Variants in WDR41 observed in about 807,000 individuals in gnomAD.
The protein encoded by WDR41 is WD repeat-containing protein 41.
A neutral mutation model predicts 69.3 loss-of-function variants in WDR41; 63 were observed. The ratio of observed to expected loss-of-function variants is 0.91; its 90% CI spans 0.74 to 1.12. The LOEUF is 1.12. Ranked by LOEUF, WDR41 falls within the 50% of genes most tolerant of loss-of-function variation. WDR41 has a pLI of 0.00. For missense variants in WDR41, 543 were observed against 534.5 expected (o/e 1.02, Z -0.16); for synonymous variants, 185 against 192.1 (o/e 0.96, Z 0.31).
chr5:77,587,155 T>A (rs1744056966), intron 1 of WDR41, among the ~76,000 whole-genome samples: 1 of 151,360 alleles, frequency 6.6e-6, no homozygotes, highest in South Asian at 2.1e-4. Flanking sequence ...TATTCTAAAT[T>A]TTGTTACCTT....
intron 1 of WDR41, among the ~76,000 whole-genome samples, chr5:77,525,752 T>A (rs1802436412): frequency 6.6e-6 from 1 of 152,150 alleles, no homozygotes. Context: ...TTCAGACCTA[T>A]AGGTAATAAG....
At chr5:77,607,317 CTTAAG>C (rs1744442746) in intron 1 of WDR41, among the ~76,000 whole-genome samples, 1 of 152,084 alleles carries the variant, frequency 6.6e-6, no homozygotes, top group Non-Finnish European at 1.5e-5. Context: ...TTCCACAGGA[CTTAAG>C]TTATTAGATG....
intron 1 of WDR41, among the ~76,000 whole-genome samples, chr5:77,509,713 G>C (rs1428649085): frequency 2.0e-5 from 3 of 152,156 alleles, no homozygotes; most frequent in Admixed American, 6.5e-5. Flanking sequence ...GGCAATGGTA[G>C]CAAAAGATAT....
Position 77,440,976 on chromosome 5 carries a change from G to C in WDR41, c.719C>G (p.Ser240Cys). 2 of 1,613,406 alleles carry C rather than the reference G, an allele frequency of 1.2e-6. No individual in the cohort carries two copies. The highest frequency in any genetic ancestry group is 3.3e-4 in the Middle Eastern group (2 of 6,058). Residue 240 changes from serine to cysteine, a missense_variant, in exon 9 of 13, where the codon TCC (serine) becomes TGC (cysteine). Coordinates refer to ENST00000296679, the MANE Select transcript of WDR41 (RefSeq NM_018268.4). Reference protein sequence around the residue: ...NVNDLSFVTGSHVGELIIWDA... With the variant: ...NVNDLSFVTGCHVGELIIWDA... ...CCAGATGATCAGCTCTCCGACGTGG[G>C]AGCCGGTGACAAAACTCAAATCTAG...
intron 5 of WDR41, among the ~76,000 whole-genome samples, chr5:77,454,693 G>C (rs1299116466): frequency 6.6e-6 from 1 of 152,200 alleles, no homozygotes; most frequent in Non-Finnish European, 1.5e-5. Context: ...AAGAGCGAGA[G>C]AGAAGAACAG....
Position 77,478,242 on chromosome 5 carries a change from T to A in WDR41, c.167+11215A>T, listed in dbSNP as rs186836441. On this transcript the variant is annotated intron_variant, in intron 2 of 12. Coordinates refer to ENST00000296679, the MANE Select transcript of WDR41 (RefSeq NM_018268.4). The stretch of plus-strand genomic sequence containing the variant: ...TGGATTCACAGCCGAATTCTACCAG[T>A]GGTACAAGGAGGAACTGGTACAATT... 4.3e-3 allele frequency among the ~76,000 whole-genome samples: 653 copies of A among 152,236 alleles called. 12 individuals carry two copies. Among genetic ancestry groups the A allele is most frequent in the African/African-American group, 0.013 (543 of 41,546 alleles).
At chr5:77,499,510 T>G (rs1801986009) in intron 1 of WDR41, 1 of 152,084 alleles carries the variant, frequency 6.6e-6, no homozygotes, top group South Asian at 2.1e-4. Context: ...GAGCCAAAAC[T>G]CTAAGGGAAG....
At chr5:77,539,758 A>G (rs1178437693) in intron 1 of WDR41, among the ~76,000 whole-genome samples, 2 of 152,224 alleles carry the variant, frequency 1.3e-5, no homozygotes, top group African/African-American at 4.8e-5. Flanking sequence ...AGCTAAAAGA[A>G]AACACCACAA....
At chr5:77,536,681 G>T (rs1742989571) in intron 1 of WDR41, among the ~76,000 whole-genome samples, 1 of 152,000 alleles carries the variant, frequency 6.6e-6, no homozygotes, top group Admixed American at 6.6e-5. Context: ...ACTTACTATT[G>T]GGTTACAATT....
intron 1 of WDR41, among the ~76,000 whole-genome samples, chr5:77,543,851 T>C (rs1273447193): frequency 6.6e-6 from 1 of 152,094 alleles, no homozygotes; most frequent in Non-Finnish European, 1.5e-5. Flanking sequence ...AGCCACATTG[T>C]CATCAGATTA....
chr5:77,562,404 T>C (rs1203416017), intron 1 of WDR41, among the ~76,000 whole-genome samples: 1 of 152,206 alleles, frequency 6.6e-6, no homozygotes, highest in Non-Finnish European at 1.5e-5. Context: ...ACTCTAAGGT[T>C]ATTCTGCCTG....
intron 1 of WDR41, among the ~76,000 whole-genome samples, chr5:77,589,596 T>C (rs1744100214): frequency 6.6e-6 from 1 of 152,178 alleles, no homozygotes; most frequent in African/African-American, 2.4e-5. Context: ...CATCATTTCT[T>C]AGGATATATT....
chr5:77,436,466 T>C, intron 11 of WDR41, 72 bp from the exon 12 acceptor site: 3 of 1,574,016 alleles, frequency 1.9e-6, no homozygotes, highest in Non-Finnish European at 2.6e-6. Context: ...AAAACAAAAT[T>C]TAAATGTGAA....
At chr5:77,559,642 A>T (rs1410988508) in intron 1 of WDR41, among the ~76,000 whole-genome samples, 1 of 150,984 alleles carries the variant, frequency 6.6e-6, no homozygotes, top group Non-Finnish European at 1.5e-5. Flanking sequence ...TATAATATAT[A>T]TTTTCATTAT....
At chr5:77,537,338 G>A (rs1743005690) in intron 1 of WDR41, among the ~76,000 whole-genome samples, 1 of 152,220 alleles carries the variant, frequency 6.6e-6, no homozygotes, top group African/African-American at 2.4e-5. Context: ...AAATAGGAGG[G>A]ACATGCCCAT....
At chr5:77,455,238 T>C (rs1219232232) in intron 5 of WDR41, among the ~76,000 whole-genome samples, 2 of 152,236 alleles carry the variant, frequency 1.3e-5, no homozygotes, top group African/African-American at 2.4e-5. Flanking sequence ...ACTAATGATG[T>C]TGAACCTCTT....
rs1182015347 is a variant in WDR41, at chr5:77,449,770, A to C, written c.687T>G (p.Ile229Met). ...LDHQDNILSL[I>M]NVNDLSFVTG... The stretch of plus-strand genomic sequence containing the variant: ...ACACAATGAGCTTACCATTGACATT[A>C]ATCAATGAGAGAATATTATCCTGGT... The change falls in exon 8 of 13, where the codon ATT becomes ATG. Residue 229 changes from isoleucine to methionine, a missense_variant. Transcript: ENST00000296679. 3.1e-6 allele frequency: 5 copies of C among 1,595,320 alleles called. No homozygotes were observed. Among genetic ancestry groups the C allele is most frequent in the Non-Finnish European group, 4.3e-6 (5 of 1,163,020 alleles).
intron 2 of WDR41, among the ~76,000 whole-genome samples, chr5:77,476,128 G>A (rs201913064): frequency 1.2e-3 from 46 of 38,772 alleles, no homozygotes; most frequent in African/African-American, 7.2e-3. Context: ...GAGAAAAAAA[G>A]AATAAAAAGA....
At chr5:77,503,882 T>C (rs1055097431) in intron 1 of WDR41, among the ~76,000 whole-genome samples, 3 of 152,118 alleles carry the variant, frequency 2.0e-5, no homozygotes, top group Non-Finnish European at 4.4e-5. Context: ...AAGCAGTGTG[T>C]AGAGGGAAAT....
Sources: allele counts gnomAD v4.1 joint callset (sites outside exome capture counted in the v4.1 genomes callset), GRCh38; gene constraint gnomAD v4.1.1; transcripts MANE v1.5; gene names NCBI Gene and HGNC (gene_info 2026-07-23, HGNC 2026-07-21).